The following SPTA1 variants were observed in gnomAD, a reference collection of about 807,000 sequenced individuals.
The protein encoded by SPTA1 is spectrin alpha, erythrocytic 1.
Under a neutral mutation model 324.7 loss-of-function variants are expected in SPTA1, and 177 were observed. The ratio of observed to expected loss-of-function variants is 0.55; its 90% confidence interval spans 0.48 to 0.62. The LOEUF (loss-of-function observed/expected upper bound fraction) is 0.62. Ranked by LOEUF, SPTA1 falls within the 20% of genes least tolerant of loss-of-function variation. The pLI, the probability that SPTA1 is intolerant of heterozygous loss-of-function variation, is 0.00. For missense variants in SPTA1, 3,162 were observed against 2,883.6 expected, an observed-to-expected ratio of 1.10 and a Z score of -2.21; for synonymous variants, 1,195 against 1,041.3, an observed-to-expected ratio of 1.15 and a Z score of -2.84.
chr1:158,642,389 C>T (rs1029488970), intron 33 of SPTA1, 22 bp downstream of exon 33: 2 of 1,611,430 alleles, frequency 1.2e-6, no homozygotes, highest in Admixed American at 3.3e-5. Flanking sequence ...CTTTGTAGCC[C>T]AAAACTCATC....
rs200144863 is a variant in SPTA1 at position 158,653,470 on chromosome 1, A to G, written c.3037-45T>C. 29 of 1,611,758 alleles carry G rather than the reference A, an allele frequency of 1.8e-5. No homozygotes were observed. The East Asian group carries it at 6.5e-4, about 36-fold the overall frequency. On this transcript the variant is annotated intron_variant, in intron 21 of 51. Transcript: ENST00000643759. Reference sequence around the variant, plus strand: ...CCACTCCGTCATTAATTCTTGGAAAAGCAACAAACGGGAGAGACTTCAACA... The same window carrying G: ...CCACTCCGTCATTAATTCTTGGAAAGGCAACAAACGGGAGAGACTTCAACA...
Position 158,676,272 on chromosome 1 carries a change from T to TG in SPTA1, c.980dup (p.Glu328ArgfsTer37). 1 of 1,613,670 alleles carries TG rather than the reference T, an allele frequency of 6.2e-7. No homozygotes were observed. Among genetic ancestry groups the TG allele is most frequent in the Non-Finnish European group, 8.5e-7 (1 of 1,179,718 alleles). On this transcript the variant is annotated frameshift_variant, in exon 8 of 52. Coordinates refer to ENST00000643759, the MANE Select transcript of SPTA1 (RefSeq NM_003126.4). LOFTEE classifies it high-confidence loss of function. ...AAGGATGGGAAAGTGTCAGCTTCTC[T>TG]GCTTTAGCACATAACTCCTTCACCT...
At chr1:158,613,439 C>G (rs1649374214) in intron 50 of SPTA1, among the ~76,000 whole-genome samples, 1 of 152,032 alleles carries the variant, frequency 6.6e-6, no homozygotes, top group Admixed American at 6.6e-5. Context: ...TGAAGGGATT[C>G]TTCTCTCTAG....
intron 6 of SPTA1, 53 bp downstream of exon 6, chr1:158,678,348 G>C: frequency 1.9e-6 from 3 of 1,609,648 alleles, no homozygotes; most frequent in Non-Finnish European, 1.7e-6. Context: ...ACAAAGACAC[G>C]GTTTTTATAA....
In SPTA1 at chr1:158,672,148, C is replaced by T. The variant is rs376169797; in HGVS notation, c.1399G>A (p.Glu467Lys). The change falls in exon 11 of 52, where the codon GAG becomes AAG. Residue 467 changes from glutamate (E) to lysine (K), a missense_variant. By Grantham distance (56) the Glu-to-Lys change is moderately conservative. Coordinates refer to ENST00000643759, the MANE Select transcript of SPTA1 (RefSeq NM_003126.4). The stretch of plus-strand genomic sequence containing the variant: ...CACTGCTCATACTGACGATGACGCT[C>T]GTCCCACAGTTCCAGCAGGGCAGTC... ...NWTALLELWD[E>K]RHRQYEQCLD... is the part of the protein sequence containing the mutation. 3.1e-6 allele frequency: 5 copies of T among 1,613,944 alleles called. No homozygotes were observed. Among genetic ancestry groups the T allele is most frequent in the African/African-American group, 1.3e-5 (1 of 74,910 alleles).
At position 158,653,303 on chromosome 1, in the gene SPTA1, G is replaced by A. The variant is rs1296756568; in HGVS notation, c.3159C>T (p.Ile1053=). The A allele has an allele frequency of 5.6e-6, 9 of 1,614,034 alleles. No homozygotes were observed. The highest frequency in any genetic ancestry group is 1.7e-5 in the Admixed American group (1 of 60,002). ...TCTCAATCTGCTCCTGGCGCTGGGT[G>A]ATGTTTCCTGGCTCTTCTCGTCGCC... The part of the protein sequence containing the change: ...PQRRREEPGN[I]TQRQEQIENQ... The change falls in exon 22 of 52, where the codon ATC becomes ATT. Residue 1053 remains isoleucine, a synonymous_variant. Coordinates refer to ENST00000643759, the MANE Select transcript of SPTA1 (RefSeq NM_003126.4).
rs540578023 is a variant in SPTA1 at position 158,652,542 on chromosome 1, C to A, written c.3300G>T (p.Glu1100Asp). The change falls in exon 23 of 52, where the codon GAG becomes GAT. Residue 1100 changes from glutamate to aspartate, a missense_variant. Physicochemically the swap from Glu to Asp is conservative, Grantham distance 45 (BLOSUM62 2). Transcript: ENST00000643759. ...EAGDMLEWIQ[E>D]KKAENTGVEL... ...CCACTCCAGTGTTTTCTGCCTTTTT[C>A]TCTTGAATCCATTCCAGCATGTCTC... is the stretch of plus-strand genomic sequence containing the variant. 4 of 1,614,102 alleles carry A rather than the reference C, an allele frequency of 2.5e-6. No homozygotes were observed. Among genetic ancestry groups the A allele is most frequent in the South Asian group, 2.2e-5 (2 of 91,078 alleles).
chr1:158,653,502 C>A, intron 21 of SPTA1, 77 bp from the exon 22 acceptor site: 1 of 1,597,014 alleles, frequency 6.3e-7, no homozygotes, highest in South Asian at 1.1e-5. Context: ...AACACTAAGT[C>A]TCTTGGCCCA....
chr1:158,680,604 T>C lies in SPTA1; in HGVS notation c.657A>G (p.Gln219=). The change falls in exon 5 of 52, where the codon CAA becomes CAG. Residue 219 remains glutamine (Q), a synonymous_variant. Coordinates refer to ENST00000643759, the MANE Select transcript of SPTA1 (RefSeq NM_003126.4). Reference sequence around the variant, plus strand: ...TCACCTCGGCACACTCATTGGCATATTGGTTCACTTCAACAACTCTCCCTT... The same window carrying C: ...TCACCTCGGCACACTCATTGGCATACTGGTTCACTTCAACAACTCTCCCTT... The part of the protein sequence containing the change: ...AKEGRVVEVN[Q]YANECAEENH... The C allele has an allele frequency of 6.2e-7, 1 of 1,613,884 alleles. No individual in the cohort carries two copies. Among genetic ancestry groups the C allele is most frequent in the Non-Finnish European group, 8.5e-7 (1 of 1,179,836 alleles).
chr1:158,625,265 G>T (rs1650196123), intron 42 of SPTA1, among the ~76,000 whole-genome samples: 1 of 152,096 alleles, frequency 6.6e-6, no homozygotes, highest in African/African-American at 2.4e-5. Context: ...TTTAAATCAA[G>T]AAATGTAATT....
chr1:158,657,540 C>A lies in SPTA1; in HGVS notation c.2742G>T (p.Trp914Cys), dbSNP rs2101877737. The A allele has an allele frequency of 1.3e-6, 2 of 1,542,574 alleles. No homozygotes were observed. Among genetic ancestry groups the A allele is most frequent in the Non-Finnish European group, 1.8e-6 (2 of 1,133,418 alleles). ...YLADLHEAET[W>C]IREKEPIVDN... is the part of the protein sequence containing the mutation. ...CTACAATAGGTTCCTTCTCTCTGATCCATGTTTCTGCTTCATGCAGGTCAG... is the reference window on the plus strand; with the variant it reads ...CTACAATAGGTTCCTTCTCTCTGATACATGTTTCTGCTTCATGCAGGTCAG... The change falls in exon 19 of 52, where the codon TGG becomes TGT. Residue 914 changes from tryptophan to cysteine, a missense_variant. Transcript: ENST00000643759.
intron 13 of SPTA1, 22 bp downstream of exon 13, chr1:158,669,687 A>C: frequency 6.2e-7 from 1 of 1,614,084 alleles, no homozygotes; most frequent in Non-Finnish European, 8.5e-7. Flanking sequence ...GGCACACAGA[A>C]GCTCTAGGCC....
chr1:158,611,342 T>A lies in SPTA1; in HGVS notation c.7182A>T (p.Gln2394His), dbSNP rs1649249669. ...QVSFCATHMQ[Q>H]YMDPRGRSHL... is the part of the protein sequence containing the mutation. ...GGCTTCGACCCCGTGGGTCCATATA[T>A]TGCTGCATATGTGTGGCACAGAATG... The change falls in exon 52 of 52, where the codon CAA (glutamine) becomes CAT (histidine). Residue 2394 changes from glutamine (Q) to histidine (H), a missense_variant. Coordinates refer to ENST00000643759, the MANE Select transcript of SPTA1 (RefSeq NM_003126.4). 1 of 1,613,616 alleles carries A rather than the reference T, an allele frequency of 6.2e-7. No individual in the cohort carries two copies. The highest frequency in any genetic ancestry group is 1.1e-5 in the South Asian group (1 of 91,074).
intron 32 of SPTA1, 67 bp downstream of exon 32, chr1:158,642,747 G>A: frequency 1.2e-6 from 2 of 1,610,422 alleles, no homozygotes; most frequent in Non-Finnish European, 1.7e-6. Context: ...AAGTATCAAG[G>A]GTGATGACTA....
intron 33 of SPTA1, 128 bp downstream of exon 33, chr1:158,642,283 C>T (rs1422706091): frequency 6.0e-6 from 6 of 1,000,596 alleles, no homozygotes; most frequent in South Asian, 4.0e-5. Flanking sequence ...ACATTGTGCA[C>T]ATGTACCCTA....
intron 48 of SPTA1, chr1:158,614,514 T>C (rs1460757565): frequency 9.9e-6 from 5 of 502,596 alleles, no homozygotes; most frequent in Non-Finnish European, 1.8e-5. Context: ...GATTTTACAT[T>C]TTCATATGGT....
Position 158,626,320 on chromosome 1 carries a change from T to G in SPTA1, c.5834-98A>C, listed in dbSNP as rs1650265621. ...ATTTACAACACACAACAAGAAAGCT[T>G]CTTGACTCTCAAAGTTGATGATTAA... On this transcript the variant is annotated intron_variant, in intron 41 of 51. Transcript: ENST00000643759. 2.7e-6 allele frequency: 3 copies of G among 1,111,994 alleles called. No individual in the cohort carries two copies. The South Asian group carries it at 3.9e-5, about 15-fold the overall frequency. 68.9% of individuals were successfully genotyped at this position (1,111,994 alleles called of 1,614,324 possible).
At chr1:158,686,259 A>G (rs199615898) in intron 1 of SPTA1, among the ~76,000 whole-genome samples, 44 of 152,146 alleles carry the variant, frequency 2.9e-4, no homozygotes, top group Admixed American at 1.4e-3. Context: ...TTTAGCTTCA[A>G]TCTCCCTACT....
Position 158,612,846 on chromosome 1 carries a change from A to C in SPTA1, c.7105T>G (p.Ser2369Ala). 1 of 1,613,900 alleles carries C rather than the reference A, an allele frequency of 6.2e-7. No homozygotes were observed. Among genetic ancestry groups the C allele is most frequent in the Non-Finnish European group, 8.5e-7 (1 of 1,179,876 alleles). Residue 2369 changes from serine (S) to alanine (A), a missense_variant, in exon 51 of 52, where the codon TCA becomes GCA. Coordinates refer to ENST00000643759, the MANE Select transcript of SPTA1 (RefSeq NM_003126.4). ...NAFQALAEGKSYITKEDMKQA... is the reference protein window; with the variant it reads ...NAFQALAEGKAYITKEDMKQA... ...TTCATGTCTTCTTTGGTAATATATG[A>C]CTTGCCCTCTGCCAGGGCTTGGAAG...
Sources: gnomAD v4.1 joint callset for allele counts (sites outside exome capture counted in the v4.1 genomes callset) on GRCh38, gnomAD v4.1.1 for gene constraint, MANE v1.5 for transcripts, NCBI Gene and HGNC (gene_info 2026-07-23, HGNC 2026-07-21) for gene names.